ACVR1: variants seen among roughly 807,000 people sequenced by gnomAD.
ACVR1 encodes the protein activin A receptor type 1, also known as activin receptor type-1.
In ACVR1, 38 loss-of-function variants were observed where a neutral mutation model predicts 57.1. The observed-to-expected ratio is 0.67, with a 90% confidence interval of 0.51 to 0.87. ACVR1 has a LOEUF of 0.87. Ranked by LOEUF, ACVR1 falls within the 40% of genes least tolerant of loss-of-function variation. ACVR1 has a pLI of 0.00. For synonymous variants in ACVR1, 212 were observed against 228.1 expected (o/e 0.93, Z 0.63); for missense variants, 463 against 638.2 (o/e 0.73, Z 2.96).
intron 1 of ACVR1, among the ~76,000 whole-genome samples, chr2:157,830,988 G>A (rs944024306): frequency 2.6e-5 from 4 of 152,146 alleles, no homozygotes; most frequent in African/African-American, 9.7e-5. Flanking sequence ...TTGGAGTGGA[G>A]TGGCAGAAAC....
In ACVR1 at chr2:157,780,447, T is replaced by C; in HGVS notation, c.221A>G (p.Tyr74Cys). The C allele has an allele frequency of 6.2e-7, 1 of 1,614,090 alleles. No individual in the cohort carries two copies. The highest frequency in any genetic ancestry group is 8.5e-7 in the Non-Finnish European group (1 of 1,180,000). The change falls in exon 4 of 11, where the codon TAT (tyrosine) becomes TGT (cysteine). Residue 74 changes from tyrosine to cysteine, a missense_variant. Tyr to Cys is a radical substitution (Grantham distance 194). Coordinates refer to ENST00000434821, the MANE Select transcript of ACVR1 (RefSeq NM_001111067.4). ...CTTACAGGTCATCTTTCCCTGCTCA[T>C]AAACCTGGAAGCAGCCTTTCTGGTA... is the stretch of plus-strand genomic sequence containing the variant. ...HVYQKGCFQVYEQGKMTCKTP... is the reference protein window; with the variant it reads ...HVYQKGCFQVCEQGKMTCKTP...
At position 157,807,854 on chromosome 2, in the gene ACVR1, TG is replaced by T. The variant is rs57885640; in HGVS notation, c.-7-8355del. ...CTAATGTGATTAATCTATAATAATT[TG>T]GGGGGGGGGGTGGGTATAAGATGAA... On this transcript the variant is annotated intron_variant, in intron 2 of 10. Coordinates refer to ENST00000434821, the MANE Select transcript of ACVR1 (RefSeq NM_001111067.4). Among the ~76,000 whole-genome samples, 183 of 31,102 alleles carry T rather than the reference TG, an allele frequency of 5.9e-3. 5 individuals carry two copies. The highest frequency in any genetic ancestry group is 0.012 in the African/African-American group (148 of 12,314). 20.4% of individuals were successfully genotyped at this position (31,102 alleles called of 152,430 possible). A position where few individuals can be genotyped will look rare whatever the true frequency, so the allele number is the denominator to read the frequency against.
At chr2:157,856,678 G>A (rs1689545384) in intron 1 of ACVR1, among the ~76,000 whole-genome samples, 1 of 152,148 alleles carries the variant, frequency 6.6e-6, no homozygotes, top group Non-Finnish European at 1.5e-5. Flanking sequence ...GGGTCCCTTT[G>A]AAGTCCAGAG....
chr2:157,834,818 C>T (rs975306944), intron 1 of ACVR1, among the ~76,000 whole-genome samples: 1 of 152,096 alleles, frequency 6.6e-6, no homozygotes, highest in African/African-American at 2.4e-5. Context: ...ATCATGAAAG[C>T]AGGGCCTCGT....
intron 1 of ACVR1, among the ~76,000 whole-genome samples, chr2:157,833,205 G>C (rs1305162158): frequency 6.6e-6 from 1 of 152,150 alleles, no homozygotes; most frequent in Admixed American, 6.5e-5. Context: ...TTCCTCCAGA[G>C]ACCAGTAAGT....
chr2:157,866,127 T>C (rs1370617766), intron 1 of ACVR1, among the ~76,000 whole-genome samples: 5 of 152,160 alleles, frequency 3.3e-5, no homozygotes, highest in Non-Finnish European at 4.4e-5. Flanking sequence ...ACTGTGCACA[T>C]GTAATGAAAT....
chr2:157,757,023 T>A (rs141558012), intron 9 of ACVR1, among the ~76,000 whole-genome samples: 1 of 120,840 alleles, frequency 8.3e-6, no homozygotes, highest in Non-Finnish European at 1.6e-5. Flanking sequence ...ATATATTTGA[T>A]ATATATATAT....
chr2:157,770,291 A>G, intron 7 of ACVR1, 77 bp downstream of exon 7: 1 of 1,545,486 alleles, frequency 6.5e-7, no homozygotes, highest in South Asian at 1.1e-5. Context: ...ATTCACATTC[A>G]CCAAAACGGA....
chr2:157,836,156 G>A (rs900699588), intron 1 of ACVR1, among the ~76,000 whole-genome samples: 1 of 152,226 alleles, frequency 6.6e-6, no homozygotes, highest in Non-Finnish European at 1.5e-5. Context: ...ATGGGGAGTC[G>A]TATTTCCTCA....
At chr2:157,865,011 G>C (rs1313508414) in intron 1 of ACVR1, among the ~76,000 whole-genome samples, 1 of 142,358 alleles carries the variant, frequency 7.0e-6, no homozygotes, top group African/African-American at 2.6e-5. Context: ...GCACACACCA[G>C]ACATAGTGCT....
At chr2:157,842,188 A>G (rs1303532344) in intron 1 of ACVR1, among the ~76,000 whole-genome samples, 1 of 152,178 alleles carries the variant, frequency 6.6e-6, no homozygotes, top group Non-Finnish European at 1.5e-5. Flanking sequence ...AAGACCTTGG[A>G]AAAGGTCTTT....
At chr2:157,800,960 G>A (rs1687302989) in intron 2 of ACVR1, among the ~76,000 whole-genome samples, 1 of 151,878 alleles carries the variant, frequency 6.6e-6, no homozygotes, top group South Asian at 2.1e-4. Context: ...TAAGCCCTTG[G>A]TGAAAAACCT....
chr2:157,811,126 T>A (rs1295288941), intron 2 of ACVR1, among the ~76,000 whole-genome samples: 1 of 149,866 alleles, frequency 6.7e-6, no homozygotes, highest in South Asian at 2.2e-4. Flanking sequence ...CCTCCCTAGC[T>A]GGGATTTGTG....
At chr2:157,808,666 C>T (rs1318514192) in intron 2 of ACVR1, among the ~76,000 whole-genome samples, 2 of 152,058 alleles carry the variant, frequency 1.3e-5, no homozygotes, top group Admixed American at 6.6e-5. Flanking sequence ...TCTGAGACAG[C>T]GTCTGTCTCT....
chr2:157,811,800 C>A (rs979734230), intron 2 of ACVR1, among the ~76,000 whole-genome samples: 3 of 150,400 alleles, frequency 2.0e-5, no homozygotes, highest in Non-Finnish European at 4.4e-5. Flanking sequence ...ACAACAACAA[C>A]AACAACAAAA....
At chr2:157,776,398 T>C (rs1559050267) in intron 5 of ACVR1, among the ~76,000 whole-genome samples, 1 of 152,248 alleles carries the variant, frequency 6.6e-6, no homozygotes, top group Non-Finnish European at 1.5e-5. Context: ...TCACATCTTC[T>C]TGCTACTAAC....
At chr2:157,777,908 A>C (rs868176369) in intron 5 of ACVR1, among the ~76,000 whole-genome samples, 1 of 152,182 alleles carries the variant, frequency 6.6e-6, no homozygotes, top group Admixed American at 6.5e-5. Flanking sequence ...AACACTACTA[A>C]AATAAATCCC....
intron 1 of ACVR1, among the ~76,000 whole-genome samples, chr2:157,855,153 C>T (rs180838884): frequency 2.0e-5 from 3 of 151,236 alleles, no homozygotes; most frequent in African/African-American, 4.9e-5. Context: ...CAGTGGCTGA[C>T]GCCTGTAATC....
chr2:157,863,596 C>T (rs1279620011), intron 1 of ACVR1, among the ~76,000 whole-genome samples: 1 of 150,894 alleles, frequency 6.6e-6, no homozygotes, highest in Admixed American at 6.6e-5. Context: ...ACTTAGGAGG[C>T]TGAGGCATGA....
Sources: allele counts gnomAD v4.1 joint callset (sites outside exome capture counted in the v4.1 genomes callset), GRCh38; gene constraint gnomAD v4.1.1; transcripts MANE v1.5; gene names NCBI Gene and HGNC (gene_info 2026-07-23, HGNC 2026-07-21).